The following PTP4A2 variants were observed in gnomAD, a reference collection of about 807,000 sequenced individuals.
PTP4A2 encodes the protein protein tyrosine phosphatase 4A2.
In PTP4A2, 2 loss-of-function variants were observed where a neutral mutation model predicts 22.9. That is an observed-to-expected ratio of 0.09 (90% confidence interval 0.04 to 0.27). PTP4A2 has a LOEUF of 0.27. Ranked by LOEUF, PTP4A2 falls within the 10% of genes least tolerant of loss-of-function variation. The pLI is 1.00. For synonymous variants in PTP4A2, 68 were observed against 69.1 expected (o/e 0.98, Z 0.08); for missense variants, 103 against 205.1 (o/e 0.50, Z 3.04).
At chr1:31,917,690 T>C (rs918495505) in intron 2 of PTP4A2, among the ~76,000 whole-genome samples, 3 of 152,140 alleles carry the variant, frequency 2.0e-5, no homozygotes, top group African/African-American at 4.8e-5. Context: ...AAAGCTTATG[T>C]TCTGGTCAGG....
Position 31,907,488 on chromosome 1 carries a change from C to T in PTP4A2, c.*1364G>A, listed in dbSNP as rs558910404. On this transcript the variant is annotated 3_prime_UTR_variant, in exon 6 of 6. Coordinates refer to ENST00000647444, the MANE Select transcript of PTP4A2 (RefSeq NM_080391.4). Reference sequence around the variant, plus strand: ...AGTCCCTTCACTACTCATTGGGTTGCACGATGTCTCTCTTCTACCCTGTTA... The same window carrying T: ...AGTCCCTTCACTACTCATTGGGTTGTACGATGTCTCTCTTCTACCCTGTTA... The T allele has an allele frequency of 1.3e-5, 2 of 152,274 alleles. No individual in the cohort carries two copies. The highest frequency in any genetic ancestry group is 4.8e-5 in the African/African-American group (2 of 41,540). The allele number at this position is 152,274 out of a possible 1,614,324, so 9.4% of individuals were successfully genotyped here. A position where few individuals can be genotyped will look rare whatever the true frequency, so the allele number is the denominator to read the frequency against.
At chr1:31,923,729 T>C (rs557037155) in intron 1 of PTP4A2, among the ~76,000 whole-genome samples, 1 of 152,284 alleles carries the variant, frequency 6.6e-6, no homozygotes, top group South Asian at 2.1e-4. Flanking sequence ...GGCCTTGCTA[T>C]GTTGCCCAGG....
At chr1:31,916,059 TTA>T in intron 2 of PTP4A2, 72 bp from the exon 3 acceptor site, 1 of 1,062,342 alleles carries the variant, frequency 9.4e-7, no homozygotes, top group Non-Finnish European at 1.4e-6. Context: ...AAATGTACTA[TTA>T]TAGGCCGGGC....
At chr1:31,932,901 T>C (rs1273011154) in intron 1 of PTP4A2, 7 of 152,210 alleles carry the variant, frequency 4.6e-5, no homozygotes, top group East Asian at 1.9e-4. Context: ...AGGGAGCCCA[T>C]AGAATGAGGT....
intron 3 of PTP4A2, chr1:31,913,147 G>C (rs140530062): frequency 2.8e-6 from 1 of 363,338 alleles, no homozygotes; most frequent in African/African-American, 2.1e-5. Context: ...ACCACCATTA[G>C]TCTATTCCAA....
intron 1 of PTP4A2, among the ~76,000 whole-genome samples, chr1:31,923,585 C>G (rs1047842935): frequency 1.3e-5 from 2 of 151,154 alleles, no homozygotes; most frequent in Non-Finnish European, 3.0e-5. Flanking sequence ...CCGCCCGCCT[C>G]GGCCTCCCAA....
intron 5 of PTP4A2, among the ~76,000 whole-genome samples, chr1:31,909,583 A>C (rs2124134390): frequency 6.6e-6 from 1 of 152,122 alleles, no homozygotes; most frequent in Admixed American, 6.5e-5. Context: ...GAGGCAGTAG[A>C]ATCGCTTGAA....
rs1166035315 is a variant in PTP4A2 at position 31,938,113 on chromosome 1, C to G, written c.-720G>C. The G allele has an allele frequency of 6.7e-6, 1 of 149,032 alleles. No homozygotes were observed. The highest frequency in any genetic ancestry group is 2.0e-4 in the East Asian group (1 of 5,126). The allele number at this position is 149,032 out of a possible 1,614,324, so 9.2% of individuals were successfully genotyped here. On this transcript the variant is annotated 5_prime_UTR_variant, in exon 1 of 6. Coordinates refer to ENST00000647444, the MANE Select transcript of PTP4A2 (RefSeq NM_080391.4). This position sits in a 1 kb window ranked among gnomAD's most constrained non-coding sequence, Gnocchi z 4.4. ...GTGGCGGCGGCGGCGACGACTCCCCCCCAGCCTCGGCGCGCGACACCCGGC... is the reference window on the plus strand; with the variant it reads ...GTGGCGGCGGCGGCGACGACTCCCCGCCAGCCTCGGCGCGCGACACCCGGC...
At chr1:31,913,955 C>T (rs1460776144) in intron 3 of PTP4A2, 18 of 449,622 alleles carry the variant, frequency 4.0e-5, no homozygotes, top group Middle Eastern at 6.6e-4. Context: ...ACTTTTTAAA[C>T]ACAGGGCTGC....
intron 4 of PTP4A2, chr1:31,910,375 A>G (rs1323839145): frequency 6.6e-6 from 2 of 302,798 alleles, no homozygotes; most frequent in Non-Finnish European, 1.3e-5. Flanking sequence ...CGCAGCCTCA[A>G]CCTCCCAAAG....
intron 3 of PTP4A2, chr1:31,913,154 C>CCAAT (rs1651633269): frequency 3.1e-6 from 1 of 325,268 alleles, no homozygotes. Context: ...TTAGTCTATT[C>CCAAT]CAATGTGTGT....
At chr1:31,915,790 A>G (rs1651799245) in intron 3 of PTP4A2, 105 bp downstream of exon 3, 1 of 718,334 alleles carries the variant, frequency 1.4e-6, no homozygotes, top group South Asian at 2.0e-5. Flanking sequence ...TCTTCCCACA[A>G]TATTGGGATT....
Position 31,908,195 on chromosome 1 carries a change from T to C in PTP4A2, c.*657A>G, listed in dbSNP as rs1369431895. The C allele has an allele frequency of 2.5e-5, 1 of 40,814 alleles. No individual in the cohort carries two copies. The highest frequency in any genetic ancestry group is 1.0e-4 in the African/African-American group (1 of 9,678). The allele number at this position is 40,814 out of a possible 1,614,324, so 2.5% of individuals were successfully genotyped here. On this transcript the variant is annotated 3_prime_UTR_variant, in exon 6 of 6. Coordinates refer to ENST00000647444, the MANE Select transcript of PTP4A2 (RefSeq NM_080391.4). ...ATATATATATATATATATATATATA[T>C]ATATATATATATCACTGCTGTTTTT...
chr1:31,929,460 G>A (rs746639891), intron 1 of PTP4A2, among the ~76,000 whole-genome samples: 12 of 152,068 alleles, frequency 7.9e-5, no homozygotes, highest in Non-Finnish European at 1.6e-4. Flanking sequence ...TTTCTATGGG[G>A]TTTATGTTTA....
At chr1:31,926,143 A>ATATATATATAT (rs1190342133) in intron 1 of PTP4A2, among the ~76,000 whole-genome samples, 1 of 131,062 alleles carries the variant, frequency 7.6e-6, no homozygotes, top group African/African-American at 2.8e-5. Context: ...ATTAAAAAAA[A>ATATATATATAT]AAAAAAATAT....
chr1:31,924,489 A>C (rs1221302115), intron 1 of PTP4A2, among the ~76,000 whole-genome samples: 1 of 152,224 alleles, frequency 6.6e-6, no homozygotes, highest in Non-Finnish European at 1.5e-5. Flanking sequence ...GTGTGTAAAA[A>C]ATCATAAACA....
At chr1:31,936,295 C>T (rs534428357) in intron 1 of PTP4A2, among the ~76,000 whole-genome samples, 1 of 151,790 alleles carries the variant, frequency 6.6e-6, no homozygotes, top group East Asian at 1.9e-4. Flanking sequence ...GAAAATTAGC[C>T]GGGTGTGGTG....
chr1:31,928,442 G>A (rs1260007269), intron 1 of PTP4A2, among the ~76,000 whole-genome samples: 1 of 151,578 alleles, frequency 6.6e-6, no homozygotes, highest in African/African-American at 2.4e-5. Flanking sequence ...GCTTACGCCT[G>A]TAATCCCAGC....
intron 1 of PTP4A2, among the ~76,000 whole-genome samples, chr1:31,926,941 T>C (rs1453914352): frequency 2.6e-5 from 4 of 152,148 alleles, no homozygotes; most frequent in Non-Finnish European, 4.4e-5. Context: ...GGGAGCATTT[T>C]AGGCAGAGGA....
Sources: gnomAD v4.1 joint callset for allele counts (sites outside exome capture counted in the v4.1 genomes callset) on GRCh38, gnomAD v4.1.1 for gene constraint, Gnocchi (gnomAD v3.1) non-coding constraint, MANE v1.5 for transcripts, NCBI Gene and HGNC (gene_info 2026-07-23, HGNC 2026-07-21) for gene names.